TTC39C: variants seen among roughly 807,000 people sequenced by gnomAD.
TTC39C encodes tetratricopeptide repeat protein 39C.
In TTC39C, 33 loss-of-function variants were observed where a neutral mutation model predicts 76.3. That is an observed-to-expected ratio of 0.43 (90% CI 0.33 to 0.58). The LOEUF is 0.58. Among genes scored for constraint, TTC39C ranks in the 20% least tolerant of loss-of-function variants. The pLI is 0.04. For synonymous variants in TTC39C, 254 were observed against 260.6 expected, an observed-to-expected ratio of 0.97 and a Z score of 0.24; for missense variants, 595 against 701.4, an observed-to-expected ratio of 0.85 and a Z score of 1.71.
intron 6 of TTC39C, among the ~76,000 whole-genome samples, chr18:24,112,327 C>T (rs920616031): frequency 1.3e-5 from 2 of 152,194 alleles, no homozygotes; most frequent in Admixed American, 6.5e-5. Flanking sequence ...TCTGCATACA[C>T]ACTCCCCGAA....
At chr18:24,098,283 G>A (rs1051619713) in intron 6 of TTC39C, among the ~76,000 whole-genome samples, 1 of 151,872 alleles carries the variant, frequency 6.6e-6, no homozygotes, top group African/African-American at 2.4e-5. Flanking sequence ...ATAGCAAGCA[G>A]GGGTCCAGAT....
chr18:24,037,862 C>T (rs563530537), intron 1 of TTC39C, among the ~76,000 whole-genome samples: 71 of 152,258 alleles, frequency 4.7e-4, no homozygotes, highest in Admixed American at 8.5e-4. Flanking sequence ...TGACTGTGAA[C>T]GGCAGGTACC....
chr18:24,011,712 A>G (rs2083394583), upstream of TTC39C, among the ~76,000 whole-genome samples: 1 of 152,216 alleles, frequency 6.6e-6, no homozygotes, highest in African/African-American at 2.4e-5. Flanking sequence ...GTGAAATCAA[A>G]TGAAGAACCA....
Position 24,022,599 on chromosome 18 carries a change from C to T in TTC39C, c.167+7561C>T, listed in dbSNP as rs1178968360. The T allele has an allele frequency of 3.0e-6, 3 of 985,268 alleles. No individual in the cohort carries two copies. In the African/African-American group the frequency reaches 5.2e-5, roughly 17 times the overall value. 61.0% of individuals were successfully genotyped at this position (985,268 alleles called of 1,614,324 possible). A position where few individuals can be genotyped will look rare whatever the true frequency, so the allele number is the denominator to read the frequency against. On this transcript the variant is annotated intron_variant, in intron 1 of 13. Coordinates refer to ENST00000317571, the MANE Select transcript of TTC39C (RefSeq NM_001135993.2). Reference sequence around the variant, plus strand: ...GTCAAAGCCATTTTGGGGCAAGTTCCTTCAGTAATATGCAGATTGCACTCT... The same window carrying T: ...GTCAAAGCCATTTTGGGGCAAGTTCTTTCAGTAATATGCAGATTGCACTCT...
intron 6 of TTC39C, among the ~76,000 whole-genome samples, chr18:24,101,842 G>A (rs2084679782): frequency 6.6e-6 from 1 of 152,062 alleles, no homozygotes; most frequent in Non-Finnish European, 1.5e-5. Flanking sequence ...TATCTTCTTC[G>A]CTGTTATTTT....
At chr18:24,003,066 A>T (rs1479043073) in intron 1 of TTC39C, among the ~76,000 whole-genome samples, 3 of 152,184 alleles carry the variant, frequency 2.0e-5, no homozygotes, top group East Asian at 3.9e-4. Flanking sequence ...CAGGTAAGGC[A>T]CAGAGAGCCC....
chr18:23,997,808 T>G (rs1029059920), intron 1 of TTC39C, among the ~76,000 whole-genome samples: 1 of 151,430 alleles, frequency 6.6e-6, no homozygotes, highest in South Asian at 2.1e-4. Context: ...CCTAGGAGTT[T>G]AAGGTGTATG....
At chr18:24,088,099 G>A (rs1213031432) in intron 6 of TTC39C, among the ~76,000 whole-genome samples, 1 of 152,160 alleles carries the variant, frequency 6.6e-6, no homozygotes, top group Admixed American at 6.5e-5. Context: ...AGAAGAAGTT[G>A]TAAAAATGTC....
At chr18:24,038,616 T>G (rs189645055) in intron 1 of TTC39C, among the ~76,000 whole-genome samples, 1 of 152,128 alleles carries the variant, frequency 6.6e-6, no homozygotes, top group Admixed American at 6.5e-5. Context: ...AATCACATCA[T>G]GAGAACAGTA....
At chr18:24,127,775 C>T (rs1248037676) in intron 10 of TTC39C, among the ~76,000 whole-genome samples, 9 of 152,182 alleles carry the variant, frequency 5.9e-5, no homozygotes, top group Admixed American at 2.0e-4. Flanking sequence ...TTTGGTCTTC[C>T]AAAGTGGGGG....
intron 6 of TTC39C, among the ~76,000 whole-genome samples, chr18:24,092,114 A>T (rs371124008): frequency 0.023 from 2,949 of 129,194 alleles, 139 homozygotes; most frequent in Admixed American, 0.067. Flanking sequence ...AAAAAAAAAA[A>T]AAAAAAAAAA....
At chr18:24,114,024 C>T in intron 6 of TTC39C, 1 of 316,680 alleles carries the variant, frequency 3.2e-6, no homozygotes, top group Non-Finnish European at 6.0e-6. Flanking sequence ...TCACTGAGAA[C>T]TGGGCTAATG....
Position 24,117,539 on chromosome 18 carries a change from TA to T in TTC39C, c.1079-581del, listed in dbSNP as rs2084910274. On this transcript the variant is annotated intron_variant, in intron 7 of 13. Transcript: ENST00000317571. ...CAACATGGCGAAACCCCATCTCTAC[TA>T]AAAATACAAAAATCAGCTGGGCATG... is the stretch of plus-strand genomic sequence containing the variant. Among the ~76,000 whole-genome samples, 4 of 151,982 alleles carry T rather than the reference TA, an allele frequency of 2.6e-5. No individual in the cohort carries two copies. The South Asian group carries it at 8.3e-4, about 32-fold the overall frequency.
intron 5 of TTC39C, among the ~76,000 whole-genome samples, chr18:24,081,965 T>G (rs559793586): frequency 6.6e-6 from 1 of 152,182 alleles, no homozygotes; most frequent in African/African-American, 2.4e-5. Flanking sequence ...GAAGTATGCA[T>G]TTACATAAAA....
chr18:24,042,200 A>G (rs75353425), intron 1 of TTC39C, among the ~76,000 whole-genome samples: 9,904 of 152,192 alleles, frequency 0.065, 1,057 homozygotes, highest in African/African-American at 0.22. Context: ...GTAACCATTT[A>G]GGTGGGTTCT....
At chr18:24,086,457 A>T (rs1160926577) in intron 6 of TTC39C, among the ~76,000 whole-genome samples, 1 of 152,168 alleles carries the variant, frequency 6.6e-6, no homozygotes, top group Admixed American at 6.5e-5. Context: ...GGGACTCTGT[A>T]GAGTGAATAT....
chr18:24,077,007 T>G (rs923438048), intron 4 of TTC39C: 2 of 152,232 alleles, frequency 1.3e-5, no homozygotes, highest in African/African-American at 4.8e-5. Flanking sequence ...TCACCTGAGG[T>G]CAGAATTGTT....
intron 1 of TTC39C, among the ~76,000 whole-genome samples, chr18:24,055,417 G>C (rs950665402): frequency 6.6e-6 from 1 of 152,090 alleles, no homozygotes; most frequent in Non-Finnish European, 1.5e-5. Context: ...ATTTTTGATA[G>C]TAGCTATCCT....
At chr18:24,022,148 T>C (rs906233722) in intron 1 of TTC39C, among the ~76,000 whole-genome samples, 1 of 152,228 alleles carries the variant, frequency 6.6e-6, no homozygotes, top group Non-Finnish European at 1.5e-5. Context: ...ATGCAAATAC[T>C]GTGCCATTTT....
Sources: allele counts gnomAD v4.1 joint callset (sites outside exome capture counted in the v4.1 genomes callset), GRCh38; gene constraint gnomAD v4.1.1; transcripts MANE v1.5; gene names NCBI Gene and HGNC (gene_info 2026-07-23, HGNC 2026-07-21).